Variants in SORCS2 observed in about 807,000 individuals in gnomAD.
The protein encoded by SORCS2 is VPS10 domain-containing receptor SorCS2.
SORCS2 carries 100 observed loss-of-function variants against 141.6 expected under a neutral mutation model. That is an observed-to-expected ratio of 0.71 (90% confidence interval 0.60 to 0.83). The LOEUF is 0.83. Among genes scored for constraint, SORCS2 ranks in the 40% least tolerant of loss-of-function variants. The probability of loss-of-function intolerance (pLI) is 0.00; values close to 1 mark genes in which losing one functional copy is unlikely to be tolerated. For synonymous variants in SORCS2, 789 were observed against 676.9 expected (o/e 1.17, Z -2.57); for missense variants, 1,646 against 1,560.2 (o/e 1.05, Z -0.93).
At chr4:7,428,832 T>A (rs1726633625) in intron 2 of SORCS2, among the ~76,000 whole-genome samples, 1 of 152,018 alleles carries the variant, frequency 6.6e-6, no homozygotes. Flanking sequence ...TGGCCCGGAC[T>A]TAGATTTTGT....
chr4:7,729,706 T>C lies in SORCS2; in HGVS notation c.3102T>C (p.Ser1034=), dbSNP rs373620592. ...PRPTRKRSLS[S]DKRLAAIQQV... ...CCACAAGGAAGAGGAGCCTCTCGAG[T>C]GATAAGGTATGTCCTGTGGCCGCTG... Residue 1034 remains serine (S), a synonymous_variant, in exon 23 of 27, where the codon AGT becomes AGC. Coordinates refer to ENST00000507866, the MANE Select transcript of SORCS2 (RefSeq NM_020777.3). 6.2e-7 allele frequency: 1 copy of C among 1,610,814 alleles called. No individual in the cohort carries two copies. Among genetic ancestry groups the C allele is most frequent in the South Asian group, 1.1e-5 (1 of 90,110 alleles).
chr4:7,412,180 C>G (rs771584277), intron 2 of SORCS2, among the ~76,000 whole-genome samples: 1 of 152,178 alleles, frequency 6.6e-6, no homozygotes, highest in Non-Finnish European at 1.5e-5. Context: ...CACGGCCCAT[C>G]GGGGCTCACC....
intron 1 of SORCS2, among the ~76,000 whole-genome samples, chr4:7,318,617 C>T (rs1254409685): frequency 6.6e-6 from 1 of 152,180 alleles, no homozygotes; most frequent in Non-Finnish European, 1.5e-5. Flanking sequence ...CGAGCTAAGC[C>T]ATTAGTTCAG....
At chr4:7,389,795 C>G (rs1393374674) in intron 1 of SORCS2, among the ~76,000 whole-genome samples, 2 of 152,150 alleles carry the variant, frequency 1.3e-5, no homozygotes, top group African/African-American at 4.8e-5. Flanking sequence ...AAGGCCGGAG[C>G]TCATGGCCAA....
At chr4:7,298,362 T>C (rs563750296) in intron 1 of SORCS2, among the ~76,000 whole-genome samples, 1 of 152,264 alleles carries the variant, frequency 6.6e-6, no homozygotes, top group African/African-American at 2.4e-5. Flanking sequence ...GCCTTGTCTT[T>C]CCTGGGGTCT....
intron 15 of SORCS2, 109 bp downstream of exon 15, chr4:7,712,962 C>A: frequency 6.9e-7 from 1 of 1,459,782 alleles, no homozygotes; most frequent in Admixed American, 2.1e-5. Context: ...ACCTCCCCGC[C>A]TCCAAGAAGT....
chr4:7,477,770 T>A (rs1371016048), intron 2 of SORCS2, among the ~76,000 whole-genome samples: 2 of 152,082 alleles, frequency 1.3e-5, no homozygotes, highest in Non-Finnish European at 2.9e-5. Flanking sequence ...AACATGAAGA[T>A]CCATCCCAGA....
chr4:7,548,019 T>C (rs1713398590), intron 3 of SORCS2, among the ~76,000 whole-genome samples: 3 of 152,232 alleles, frequency 2.0e-5, no homozygotes, highest in Admixed American at 2.0e-4. Flanking sequence ...TCCTGATTTC[T>C]TTCATCATGA....
intron 2 of SORCS2, among the ~76,000 whole-genome samples, chr4:7,405,411 G>C (rs1336008912): frequency 1.8e-5 from 2 of 109,444 alleles, no homozygotes; most frequent in Non-Finnish European, 4.4e-5. Context: ...ATTTTGGTAG[G>C]AATTACATTG....
intron 2 of SORCS2, among the ~76,000 whole-genome samples, chr4:7,525,216 G>A (rs1471019976): frequency 6.6e-6 from 1 of 152,152 alleles, no homozygotes; most frequent in South Asian, 2.1e-4. Context: ...CGGGCAAGAG[G>A]CTTCTGGGAA....
intron 3 of SORCS2, among the ~76,000 whole-genome samples, chr4:7,576,808 C>T (rs1393018050): frequency 6.6e-6 from 1 of 152,180 alleles, no homozygotes; most frequent in African/African-American, 2.4e-5. Context: ...CAGACAGGTG[C>T]TGTAAGAACT....
intron 2 of SORCS2, among the ~76,000 whole-genome samples, chr4:7,491,303 T>C (rs543262125): frequency 3.9e-5 from 6 of 152,292 alleles, no homozygotes; most frequent in South Asian, 2.1e-4. Context: ...AGGAAGCCAG[T>C]TGTGGTGCTG....
intron 1 of SORCS2, among the ~76,000 whole-genome samples, chr4:7,282,773 G>T (rs975831317): frequency 6.6e-6 from 1 of 152,176 alleles, no homozygotes; most frequent in Non-Finnish European, 1.5e-5. Flanking sequence ...TCAGCCAGCG[G>T]CAGGTGGTAG....
chr4:7,469,562 G>A (rs552882292), intron 2 of SORCS2, among the ~76,000 whole-genome samples: 1 of 152,340 alleles, frequency 6.6e-6, no homozygotes, highest in East Asian at 1.9e-4. Context: ...GCCTGCCTGA[G>A]TCTGTAGCTT....
chr4:7,425,204 T>C (rs965239985), intron 2 of SORCS2, among the ~76,000 whole-genome samples: 1 of 152,206 alleles, frequency 6.6e-6, no homozygotes, highest in Non-Finnish European at 1.5e-5. Context: ...TCGGTTTTGC[T>C]GAATGTCCCA....
intron 3 of SORCS2, among the ~76,000 whole-genome samples, chr4:7,610,054 C>T (rs2108807698): frequency 6.6e-6 from 1 of 152,370 alleles, no homozygotes; most frequent in Non-Finnish European, 1.5e-5. Flanking sequence ...CTAACACCCT[C>T]TCCCCAGACC....
chr4:7,213,495 G>A (rs1172683640), intron 1 of SORCS2, among the ~76,000 whole-genome samples: 2 of 152,224 alleles, frequency 1.3e-5, no homozygotes, highest in Non-Finnish European at 2.9e-5. Context: ...TAGCCTTGGA[G>A]GCGGAGGTGC....
intron 5 of SORCS2, among the ~76,000 whole-genome samples, chr4:7,654,479 C>T (rs1721633260): frequency 1.3e-5 from 2 of 152,182 alleles, no homozygotes; most frequent in African/African-American, 4.8e-5. Context: ...ACGTTTTTAC[C>T]CATGAACCAG....
chr4:7,330,058 A>G (rs1180043326), intron 1 of SORCS2, among the ~76,000 whole-genome samples: 1 of 151,660 alleles, frequency 6.6e-6, no homozygotes, highest in Non-Finnish European at 1.5e-5. Flanking sequence ...TGCCTCCCCC[A>G]GCTTCTTAGG....
Sources: gnomAD v4.1 joint callset for allele counts (sites outside exome capture counted in the v4.1 genomes callset) on GRCh38, gnomAD v4.1.1 for gene constraint, MANE v1.5 for transcripts, NCBI Gene and HGNC (gene_info 2026-07-23, HGNC 2026-07-21) for gene names.